REG1A: variants seen among roughly 807,000 people sequenced by gnomAD.
REG1A encodes regenerating family member 1 alpha, also known as lithostathine-1-alpha.
REG1A carries 20 observed loss-of-function variants against 20.7 expected under a neutral mutation model. The ratio of observed to expected loss-of-function variants is 0.97; its 90% CI spans 0.68 to 1.41. REG1A has a LOEUF of 1.41. Among genes scored for constraint, REG1A ranks in the 40% most tolerant of loss-of-function variants. The probability of loss-of-function intolerance (pLI) is 0.00; values close to 1 mark genes in which losing one functional copy is unlikely to be tolerated. For missense variants in REG1A, 193 were observed against 201.8 expected (o/e 0.96, Z 0.26); for synonymous variants, 90 against 71.6 (o/e 1.26, Z -1.30).
Position 79,121,969 on chromosome 2 carries a change from C to T in REG1A, c.184-19C>T. On this transcript the variant is annotated intron_variant, in intron 3 of 5. Transcript: ENST00000233735. Reference sequence around the variant, plus strand: ...ACAACTTCCTCCTCCACTGAGTGCTCCATTTTCTTCTGCAACAGCTCTATT... The same window carrying T: ...ACAACTTCCTCCTCCACTGAGTGCTTCATTTTCTTCTGCAACAGCTCTATT... 6.2e-7 allele frequency: 1 copy of T among 1,612,864 alleles called. No individual in the cohort carries two copies. The highest frequency in any genetic ancestry group is 8.5e-7 in the Non-Finnish European group (1 of 1,179,428).
At chr2:79,122,281 T>C in intron 4 of REG1A, 156 bp downstream of exon 4, 1 of 696,036 alleles carries the variant, frequency 1.4e-6, no homozygotes, top group Non-Finnish European at 2.3e-6. Context: ...GCACTGTAGA[T>C]GATTGGAGAT....
chr2:79,121,053 TAG>T lies in REG1A; in HGVS notation c.64+129_64+130del, dbSNP rs968428629. 7.4e-6 allele frequency: 5 copies of T among 677,880 alleles called. No homozygotes were observed. In the African/African-American group the frequency reaches 9.0e-5, roughly 12 times the overall value. The allele number at this position is 677,880 out of a possible 1,614,324, so 42.0% of individuals were successfully genotyped here. A position where few individuals can be genotyped will look rare whatever the true frequency, so the allele number is the denominator to read the frequency against. ...CTGTTAAGGGTTGTTTTGTGGTGTT[TAG>T]TGATCTTTATTGCTGATCTCTTCAC... On this transcript the variant is annotated intron_variant, in intron 2 of 5. Coordinates refer to ENST00000233735, the MANE Select transcript of REG1A (RefSeq NM_002909.5).
intron 3 of REG1A, 22 bp from the exon 4 acceptor site, chr2:79,121,954 CCTCCACTGAGTG>C: frequency 6.2e-7 from 1 of 1,610,540 alleles, no homozygotes; most frequent in Non-Finnish European, 8.5e-7. Flanking sequence ...ACAACTTCCT[CCTCCACTGAGTG>C]CTCCATTTTC....
rs760216751 is a variant in REG1A at position 79,121,677 on chromosome 2, A to G, written c.180A>G (p.Ala60=). ...AAGACCGTGAGACCTGGGTTGATGC[A>G]GATGTGAGTGAGGAGAGCAGTGTGG... The part of the protein sequence containing the change: ...FNEDRETWVD[A]DLYCQNMNSG... Residue 60 remains alanine, a synonymous_variant, in exon 3 of 6, where the codon GCA becomes GCG. Coordinates refer to ENST00000233735, the MANE Select transcript of REG1A (RefSeq NM_002909.5). 1.2e-6 allele frequency: 2 copies of G among 1,613,550 alleles called. No homozygotes were observed. The highest frequency in any genetic ancestry group is 4.5e-5 in the East Asian group (2 of 44,868).
chr2:79,121,943 C>T, intron 3 of REG1A, 45 bp from the exon 4 acceptor site: 3 of 1,607,496 alleles, frequency 1.9e-6, no homozygotes, highest in Admixed American at 1.7e-5. Flanking sequence ...GTATATCCGT[C>T]ACAACTTCCT....
chr2:79,121,024 G>A, intron 2 of REG1A, 99 bp downstream of exon 2: 2 of 924,974 alleles, frequency 2.2e-6, no homozygotes, highest in Non-Finnish European at 3.3e-6. Context: ...AAAAAGCAGA[G>A]TCACTGTTAA....
Position 79,122,021 on chromosome 2 carries a change from G to C in REG1A, c.217G>C (p.Val73Leu), listed in dbSNP as rs1672893115. 1 of 1,614,062 alleles carries C rather than the reference G, an allele frequency of 6.2e-7. No individual in the cohort carries two copies. The change falls in exon 4 of 6, where the codon GTG (valine) becomes CTG (leucine). Residue 73 changes from valine (V) to leucine (L), a missense_variant. Physicochemically the swap from Val to Leu is conservative, Grantham distance 32 (BLOSUM62 1). Coordinates refer to ENST00000233735, the MANE Select transcript of REG1A (RefSeq NM_002909.5). ...YCQNMNSGNL[V>L]SVLTQAEGAF... is the part of the protein sequence containing the mutation. ...CCAGAACATGAATTCGGGCAACCTG[G>C]TGTCTGTGCTCACCCAGGCCGAGGG...
At chr2:79,122,203 T>A (rs1672897692) in intron 4 of REG1A, 78 bp downstream of exon 4, 1 of 1,466,660 alleles carries the variant, frequency 6.8e-7, no homozygotes, top group Non-Finnish European at 9.3e-7. Context: ...GTCTCTTAAG[T>A]ACCAGCTTTT....
At chr2:79,121,450 C>G in intron 2 of REG1A, 112 bp from the exon 3 acceptor site, 1 of 832,856 alleles carries the variant, frequency 1.2e-6, no homozygotes, top group East Asian at 2.4e-5. Flanking sequence ...GCAGTCATCC[C>G]ATAATAGACT....
At chr2:79,122,740 T>G in intron 4 of REG1A, 101 bp from the exon 5 acceptor site, 1 of 804,750 alleles carries the variant, frequency 1.2e-6, no homozygotes, top group Non-Finnish European at 2.1e-6. Flanking sequence ...AGGTTTATTC[T>G]TCCTTTGTGT....
chr2:79,120,587 A>G (rs1302303213), intron 1 of REG1A, 73 bp downstream of exon 1: 9 of 358,714 alleles, frequency 2.5e-5, no homozygotes, highest in Non-Finnish European at 4.5e-5. Flanking sequence ...AAGATACAGC[A>G]TGAGTTTCTG....
Position 79,123,246 on chromosome 2 carries a change from A to T in REG1A, c.*31A>T. The stretch of plus-strand genomic sequence containing the variant: ...ACTGGAAAATACATGTCTAGAACTG[A>T]TCCAGCAATTACAACGGAGTCAAAA... On this transcript the variant is annotated 3_prime_UTR_variant, in exon 6 of 6. Coordinates refer to ENST00000233735, the MANE Select transcript of REG1A (RefSeq NM_002909.5). 7.0e-7 allele frequency: 1 copy of T among 1,419,694 alleles called. No homozygotes were observed. The highest frequency in any genetic ancestry group is 9.8e-7 in the Non-Finnish European group (1 of 1,016,214). The allele number at this position is 1,419,694 out of a possible 1,614,324, so 87.9% of individuals were successfully genotyped here.
At chr2:79,121,780 C>G in intron 3 of REG1A, 100 bp downstream of exon 3, 1 of 1,333,100 alleles carries the variant, frequency 7.5e-7, no homozygotes. Context: ...AGACTGAACC[C>G]CTTGCTATAC....
chr2:79,123,026 A>G (rs562017400), intron 5 of REG1A, 74 bp downstream of exon 5: 6 of 1,479,088 alleles, frequency 4.1e-6, no homozygotes, highest in Admixed American at 3.4e-5. Context: ...TGGGACTGGG[A>G]TAGAGGAAAG....
rs1672873715 is a variant in REG1A at position 79,120,939 on chromosome 2, T to C, written c.64+14T>C. ...CTCAGAGCCAAGGTAAGATCTCTTT[T>C]CCACCAACCAACTCTTTCTAGCCCT... On this transcript the variant is annotated intron_variant, in intron 2 of 5. Coordinates refer to ENST00000233735, the MANE Select transcript of REG1A (RefSeq NM_002909.5). 1 of 1,611,128 alleles carries C rather than the reference T, an allele frequency of 6.2e-7. No homozygotes were observed. Among genetic ancestry groups the C allele is most frequent in the Non-Finnish European group, 8.5e-7 (1 of 1,177,764 alleles).
intron 3 of REG1A, 135 bp downstream of exon 3, chr2:79,121,815 T>G: frequency 3.0e-6 from 4 of 1,329,382 alleles, no homozygotes; most frequent in Non-Finnish European, 4.3e-6. Context: ...AACTTTCCAA[T>G]CTACTTTATC....
chr2:79,122,792 A>T, intron 4 of REG1A, 49 bp from the exon 5 acceptor site: 1 of 1,257,520 alleles, frequency 8.0e-7, no homozygotes, highest in Non-Finnish European at 1.2e-6. Flanking sequence ...CAGTGATTCC[A>T]TGTATTTTTG....
intron 5 of REG1A, 95 bp downstream of exon 5, chr2:79,123,047 C>A: frequency 7.0e-7 from 1 of 1,435,340 alleles, no homozygotes; most frequent in Non-Finnish European, 9.8e-7. Context: ...GTGAACTCCT[C>A]ATTAAGGAAA....
In REG1A at chr2:79,123,186, T is replaced by C. The variant is rs1179223118; in HGVS notation, c.472T>C (p.Phe158Leu). The change falls in exon 6 of 6, where the codon TTC becomes CTC. Residue 158 changes from phenylalanine (F) to leucine (L), a missense_variant. By Grantham distance (22) the Phe-to-Leu change is conservative. Transcript: ENST00000233735. ...KWKDVPCEDK[F>L]SFVCKFKN ...GAAGGATGTGCCTTGTGAAGACAAGTTCTCCTTTGTCTGCAAGTTCAAAAA... is the reference window on the plus strand; with the variant it reads ...GAAGGATGTGCCTTGTGAAGACAAGCTCTCCTTTGTCTGCAAGTTCAAAAA... 1.2e-6 allele frequency: 2 copies of C among 1,612,980 alleles called. No individual in the cohort carries two copies. The highest frequency in any genetic ancestry group is 2.2e-5 in the East Asian group (1 of 44,866).
Sources: gnomAD v4.1 joint callset for allele counts on GRCh38, gnomAD v4.1.1 for gene constraint, MANE v1.5 for transcripts, NCBI Gene and HGNC (gene_info 2026-07-23, HGNC 2026-07-21) for gene names.